ANKRD11: variants seen among roughly 807,000 people sequenced by gnomAD.
ANKRD11 encodes ankyrin repeat domain-containing protein 11.
A neutral mutation model predicts 195.7 loss-of-function variants in ANKRD11; 17 were observed. The ratio of observed to expected loss-of-function variants is 0.09; its 90% CI spans 0.06 to 0.13. The LOEUF is 0.13. ANKRD11 is among the 10% of genes least tolerant of loss of function. ANKRD11 has a pLI of 1.00. For synonymous variants in ANKRD11, 1,953 were observed against 1,528.1 expected (o/e 1.28, Z -6.49); for missense variants, 3,735 against 3,566.1 (o/e 1.05, Z -1.21).
chr16:89,361,781 A>T (rs974691480), intron 2 of ANKRD11: 2 of 152,276 alleles, frequency 1.3e-5, no homozygotes, highest in African/African-American at 4.8e-5. Flanking sequence ...CTAAGGGAGA[A>T]GTACAAAGTA....
chr16:89,387,131 G>A (rs1021030922), intron 2 of ANKRD11, among the ~76,000 whole-genome samples: 2 of 152,080 alleles, frequency 1.3e-5, no homozygotes, highest in African/African-American at 2.4e-5. Context: ...GAGGGTGGGA[G>A]AGGTAGGTCA....
intron 7 of ANKRD11, chr16:89,288,030 C>A (rs1188493409): frequency 1.5e-5 from 8 of 525,096 alleles, no homozygotes; most frequent in African/African-American, 3.8e-5. Flanking sequence ...CCTCTCTCGA[C>A]CCCCACAGAG....
rs2036250952 is a variant in ANKRD11, at chr16:89,306,450, A to G, written c.88-1106T>C. The stretch of plus-strand genomic sequence containing the variant: ...AGACACGCGCCACCTCCCACTCCGC[A>G]GACACGCGCCACCCACCTCCCACTC... On this transcript the variant is annotated intron_variant, in intron 3 of 12. Coordinates refer to ENST00000301030, the MANE Select transcript of ANKRD11 (RefSeq NM_013275.6). Among the ~76,000 whole-genome samples, 2 of 107,138 alleles carry G rather than the reference A, an allele frequency of 1.9e-5. 1 individual carries two copies. Among genetic ancestry groups the G allele is most frequent in the South Asian group, 7.1e-4 (2 of 2,800 alleles). The allele number at this position is 107,138 out of a possible 152,430, so 70.3% of individuals were successfully genotyped here. A position where few individuals can be genotyped will look rare whatever the true frequency, so the allele number is the denominator to read the frequency against.
intron 1 of ANKRD11, among the ~76,000 whole-genome samples, chr16:89,464,434 T>C (rs940420231): frequency 2.0e-5 from 3 of 151,004 alleles, no homozygotes; most frequent in African/African-American, 7.3e-5. Context: ...TGGTGAAACC[T>C]CATCTCTACT....
intron 2 of ANKRD11, among the ~76,000 whole-genome samples, chr16:89,336,368 G>T (rs551153303): frequency 6.6e-6 from 1 of 152,182 alleles, no homozygotes; most frequent in African/African-American, 2.4e-5. Context: ...GCGGGTGTGC[G>T]TCCACAGACA....
At chr16:89,441,767 C>CAAAAAA (rs57747159) in intron 1 of ANKRD11, among the ~76,000 whole-genome samples, 2,454 of 52,208 alleles carry the variant, frequency 0.047, 673 homozygotes, top group Non-Finnish European at 0.057. Flanking sequence ...ACTCCGCCTA[C>CAAAAAA]AAAAAAAAAA....
At chr16:89,382,472 C>T (rs1365115539) in intron 2 of ANKRD11, among the ~76,000 whole-genome samples, 2 of 150,114 alleles carry the variant, frequency 1.3e-5, no homozygotes, top group Non-Finnish European at 3.0e-5. Context: ...ATCACAGGTG[C>T]GTGCCACCAA....
intron 1 of ANKRD11, among the ~76,000 whole-genome samples, chr16:89,465,952 T>C (rs1450915763): frequency 6.6e-6 from 1 of 152,140 alleles, no homozygotes; most frequent in Non-Finnish European, 1.5e-5. Context: ...CCTCATGATC[T>C]GCCCGCCTCG....
At chr16:89,458,963 C>T (rs901358637) in intron 1 of ANKRD11, 9 of 152,416 alleles carry the variant, frequency 5.9e-5, no homozygotes, top group Admixed American at 3.3e-4. Context: ...CACCTGTCTT[C>T]AGGAAAACTT....
At chr16:89,271,818 C>T (rs2033181861) in intron 11 of ANKRD11, 2 of 152,066 alleles carry the variant, frequency 1.3e-5, no homozygotes, top group African/African-American at 4.8e-5. Flanking sequence ...GGGAAAATCT[C>T]CAGGACATTG....
chr16:89,435,518 C>T (rs1331137438), intron 1 of ANKRD11, among the ~76,000 whole-genome samples: 1 of 152,070 alleles, frequency 6.6e-6, no homozygotes, highest in African/African-American at 2.4e-5. Context: ...CTGAAGTCAG[C>T]GAGACCACGA....
chr16:89,461,951 A>C (rs919323349), intron 1 of ANKRD11, among the ~76,000 whole-genome samples: 27 of 152,022 alleles, frequency 1.8e-4, no homozygotes, highest in Non-Finnish European at 1.5e-5. Context: ...GAAAAAGCCC[A>C]TCCCAGCATC....
intron 2 of ANKRD11, among the ~76,000 whole-genome samples, chr16:89,383,903 G>A (rs948322130): frequency 2.6e-5 from 4 of 152,138 alleles, no homozygotes; most frequent in African/African-American, 9.7e-5. Flanking sequence ...ACACCCGCTA[G>A]GGCCTTGTCA....
At chr16:89,441,721 C>T (rs1031228926) in intron 1 of ANKRD11, among the ~76,000 whole-genome samples, 1 of 134,252 alleles carries the variant, frequency 7.4e-6, no homozygotes, top group African/African-American at 2.8e-5. Context: ...GAGCCAAGAT[C>T]GTGCCACTGC....
rs1385125893 is a variant in ANKRD11 at position 89,479,462 on chromosome 16, A to G, written c.-145+10783T>C. Among the ~76,000 whole-genome samples, 5 of 151,302 alleles carry G rather than the reference A, an allele frequency of 3.3e-5. No homozygotes were observed. In the South Asian group the frequency reaches 6.3e-4, roughly 19 times the overall value. ...AGCCTGACCAACACGGAGAAACCCC[A>G]TGTCTACTAAAAATACAAAAAAATT... On this transcript the variant is annotated intron_variant, in intron 1 of 12. Transcript: ENST00000301030.
intron 2 of ANKRD11, among the ~76,000 whole-genome samples, chr16:89,406,355 C>G (rs947970500): frequency 6.6e-6 from 1 of 152,122 alleles, no homozygotes; most frequent in African/African-American, 2.4e-5. Context: ...AAACCCACAC[C>G]TGGGCCTCGG....
At chr16:89,429,901 C>T (rs1232341827) in intron 1 of ANKRD11, among the ~76,000 whole-genome samples, 2 of 71,102 alleles carry the variant, frequency 2.8e-5, no homozygotes, top group African/African-American at 1.2e-4. Flanking sequence ...TCAACTCTCG[C>T]GCTCAGACGT....
chr16:89,359,917 C>T (rs1407100223), intron 2 of ANKRD11, among the ~76,000 whole-genome samples: 2 of 151,360 alleles, frequency 1.3e-5, no homozygotes, highest in African/African-American at 4.9e-5. Context: ...CTTTTAGGTT[C>T]GGGGGCACAT....
intron 1 of ANKRD11, chr16:89,458,933 G>A (rs1014286658): frequency 1.3e-5 from 2 of 152,310 alleles, no homozygotes; most frequent in African/African-American, 2.4e-5. Flanking sequence ...AACCCACACC[G>A]TCGTGACCCT....
Sources: allele counts gnomAD v4.1 joint callset (sites outside exome capture counted in the v4.1 genomes callset), GRCh38; gene constraint gnomAD v4.1.1; transcripts MANE v1.5; gene names NCBI Gene and HGNC (gene_info 2026-07-23, HGNC 2026-07-21).